The following ZNF438 variants were observed in gnomAD, a reference collection of about 807,000 sequenced individuals.
ZNF438 encodes zinc finger protein 438.
In ZNF438, 25 loss-of-function variants were observed where a neutral mutation model predicts 38.0. The observed-to-expected ratio is 0.66, with a 90% CI of 0.48 to 0.92. The LOEUF is 0.92. Ranked by LOEUF, ZNF438 falls within the 40% of genes least tolerant of loss-of-function variation. The pLI, the probability that ZNF438 is intolerant of heterozygous loss-of-function variation, is 0.00. For synonymous variants in ZNF438, 372 were observed against 364.1 expected (o/e 1.02, Z -0.25); for missense variants, 1,007 against 999.6 (o/e 1.01, Z -0.10).
At chr10:30,849,781 G>T in exon 5 of ZNF438, 1 of 1,614,204 alleles carries the variant, frequency 6.2e-7, no homozygotes, top group Non-Finnish European at 8.5e-7. Context: ...CATGGGTGTT[G>T]GTCACTGGTG....
intron 4 of ZNF438, among the ~76,000 whole-genome samples, chr10:30,853,708 C>A (rs751906065): frequency 6.6e-6 from 1 of 152,220 alleles, no homozygotes; most frequent in African/African-American, 2.4e-5. Context: ...ACATATGCTC[C>A]ATTTATGGCC....
At chr10:30,903,768 G>A (rs2042297158) in intron 3 of ZNF438, among the ~76,000 whole-genome samples, 1 of 152,124 alleles carries the variant, frequency 6.6e-6, no homozygotes, top group South Asian at 2.1e-4. Context: ...TCAAGTATGT[G>A]CTACTTTTTT....
At chr10:31,004,135 G>T (rs1028289449) in intron 1 of ZNF438, among the ~76,000 whole-genome samples, 2 of 152,100 alleles carry the variant, frequency 1.3e-5, no homozygotes, top group African/African-American at 4.8e-5. Context: ...AAGGGTAGAG[G>T]GAACTCTATT....
At chr10:30,965,321 T>TGCAATA (rs2049982902) in intron 1 of ZNF438, among the ~76,000 whole-genome samples, 1 of 152,202 alleles carries the variant, frequency 6.6e-6, no homozygotes, top group African/African-American at 2.4e-5. Context: ...AGGCAATTCT[T>TGCAATA]ATACACTGCT....
At chr10:30,987,287 T>C (rs994953379) in intron 1 of ZNF438, among the ~76,000 whole-genome samples, 1 of 150,324 alleles carries the variant, frequency 6.7e-6, no homozygotes, top group Non-Finnish European at 1.5e-5. Context: ...ACCATTGCAC[T>C]TCAGCCTGGG....
At chr10:30,898,663 A>G (rs1188423899) in intron 3 of ZNF438, among the ~76,000 whole-genome samples, 1 of 152,174 alleles carries the variant, frequency 6.6e-6, no homozygotes, top group Non-Finnish European at 1.5e-5. Context: ...CTTTAAAAAT[A>G]TATTTCTGTT....
intron 1 of ZNF438, among the ~76,000 whole-genome samples, chr10:30,975,880 A>G (rs1462122850): frequency 6.6e-6 from 1 of 152,094 alleles, no homozygotes; most frequent in East Asian, 1.9e-4. Flanking sequence ...AATAAAATAA[A>G]TTGTGCATAA....
chr10:30,862,986 G>C (rs1332953372), intron 4 of ZNF438, among the ~76,000 whole-genome samples: 1 of 152,186 alleles, frequency 6.6e-6, no homozygotes, highest in Non-Finnish European at 1.5e-5. Context: ...TTATAGTAGA[G>C]TTTTACAGAT....
intron 1 of ZNF438, among the ~76,000 whole-genome samples, chr10:30,948,249 T>C (rs1357593584): frequency 6.6e-6 from 1 of 152,104 alleles, no homozygotes; most frequent in Non-Finnish European, 1.5e-5. Context: ...AACCCATCTG[T>C]ACATCACCAT....
chr10:31,012,224 C>T (rs1039836080), intron 1 of ZNF438, among the ~76,000 whole-genome samples: 5 of 151,352 alleles, frequency 3.3e-5, no homozygotes, highest in African/African-American at 9.7e-5. Context: ...CCTGGGTTCA[C>T]GCCATTCTCC....
intron 1 of ZNF438, among the ~76,000 whole-genome samples, chr10:31,008,741 G>A (rs1271234817): frequency 6.6e-6 from 1 of 152,158 alleles, no homozygotes; most frequent in Non-Finnish European, 1.5e-5. Flanking sequence ...TAGCATTTAT[G>A]TATAAGTTTT....
chr10:30,920,791 T>C (rs1163316086), intron 2 of ZNF438: 1 of 152,204 alleles, frequency 6.6e-6, no homozygotes, highest in Non-Finnish European at 1.5e-5. Context: ...TAGCCGAGTG[T>C]AGCCAGTAGA....
intron 3 of ZNF438, among the ~76,000 whole-genome samples, chr10:30,904,667 A>T (rs2042392848): frequency 1.3e-5 from 2 of 151,672 alleles, no homozygotes; most frequent in Admixed American, 1.3e-4. Context: ...CGCACCCTGC[A>T]CTCCTCACCC....
intron 2 of ZNF438, among the ~76,000 whole-genome samples, chr10:30,924,679 T>A (rs1428275295): frequency 6.6e-6 from 1 of 152,198 alleles, no homozygotes; most frequent in East Asian, 1.9e-4. Flanking sequence ...AAACTCAAAT[T>A]GATATCCTTT....
intron 4 of ZNF438, among the ~76,000 whole-genome samples, chr10:30,855,189 T>A (rs996026511): frequency 6.6e-6 from 1 of 152,200 alleles, no homozygotes; most frequent in African/African-American, 2.4e-5. Flanking sequence ...GAGGCCACTG[T>A]GGCCTGGGAA....
chr10:30,906,337 T>C (rs1331272007), intron 3 of ZNF438, among the ~76,000 whole-genome samples: 3 of 152,236 alleles, frequency 2.0e-5, no homozygotes, highest in Non-Finnish European at 4.4e-5. Context: ...AACGTCATTG[T>C]TTTCTTAATT....
intron 4 of ZNF438, among the ~76,000 whole-genome samples, chr10:30,853,512 C>A (rs2034073626): frequency 6.6e-6 from 1 of 152,238 alleles, no homozygotes; most frequent in African/African-American, 2.4e-5. Flanking sequence ...CTGGGAGGAG[C>A]ATTGGCTACT....
chr10:31,008,892 G>A (rs2055394374), intron 1 of ZNF438, among the ~76,000 whole-genome samples: 1 of 152,196 alleles, frequency 6.6e-6, no homozygotes, highest in Admixed American at 6.5e-5. Context: ...AGCAATGTAT[G>A]GAGCGTCCAA....
chr10:31,012,203 A>G (rs888672795), intron 1 of ZNF438, among the ~76,000 whole-genome samples: 4 of 149,212 alleles, frequency 2.7e-5, no homozygotes, highest in African/African-American at 9.9e-5. Context: ...GCTCCACTGC[A>G]AGCTCCACCT....
Sources: gnomAD v4.1 joint callset for allele counts (sites outside exome capture counted in the v4.1 genomes callset) on GRCh38, gnomAD v4.1.1 for gene constraint, MANE v1.5 for transcripts, NCBI Gene and HGNC (gene_info 2026-07-23, HGNC 2026-07-21) for gene names.